The following SLC30A7 variants were observed in gnomAD, a reference collection of about 807,000 sequenced individuals.
SLC30A7 encodes the protein zinc transporter 7.
Under a neutral mutation model 46.0 loss-of-function variants are expected in SLC30A7, and 35 were observed. The observed-to-expected ratio is 0.76, with a 90% CI of 0.58 to 1.01. The LOEUF is 1.01. SLC30A7 is among the 50% of genes least tolerant of loss of function. SLC30A7 has a pLI of 0.00. For missense variants in SLC30A7, 464 were observed against 451.1 expected, an observed-to-expected ratio of 1.03 and a Z score of -0.26; for synonymous variants, 147 against 157.8, an observed-to-expected ratio of 0.93 and a Z score of 0.51.
chr1:100,939,738 A>T (rs925426928), intron 8 of SLC30A7, among the ~76,000 whole-genome samples: 2 of 151,676 alleles, frequency 1.3e-5, no homozygotes, highest in African/African-American at 4.8e-5. Context: ...AGTCCCAGCT[A>T]CTTGAGAGGC....
intron 10 of SLC30A7, among the ~76,000 whole-genome samples, chr1:100,972,106 C>A (rs1656193591): frequency 6.6e-6 from 1 of 152,296 alleles, no homozygotes; most frequent in Admixed American, 6.5e-5. Flanking sequence ...CAGCCTCTGG[C>A]TCCTGGTCCC....
At chr1:100,958,322 G>A (rs1002697126) in intron 8 of SLC30A7, among the ~76,000 whole-genome samples, 4 of 152,128 alleles carry the variant, frequency 2.6e-5, no homozygotes, top group South Asian at 2.1e-4. Context: ...GACCACAGGC[G>A]CCGGCCATCA....
intron 6 of SLC30A7, among the ~76,000 whole-genome samples, chr1:100,914,134 A>G (rs879843573): frequency 6.6e-6 from 1 of 152,204 alleles, no homozygotes; most frequent in Non-Finnish European, 1.5e-5. Flanking sequence ...ATAGGCATGT[A>G]ATACATAGTA....
At chr1:100,974,606 C>T (rs969398630) in intron 10 of SLC30A7, among the ~76,000 whole-genome samples, 1 of 151,892 alleles carries the variant, frequency 6.6e-6, no homozygotes, top group African/African-American at 2.4e-5. Context: ...TGACTGTTAA[C>T]ATGGCTCTTT....
downstream of SLC30A7, among the ~76,000 whole-genome samples, chr1:100,984,492 C>T (rs977896230): frequency 6.6e-6 from 1 of 152,114 alleles, no homozygotes; most frequent in Admixed American, 6.5e-5. Flanking sequence ...CCTTGAGAAT[C>T]TTGAGAACTA....
At position 100,918,000 on chromosome 1, in the gene SLC30A7, A is replaced by G. The variant is rs540941646; in HGVS notation, c.656-77A>G. 34 of 1,174,992 alleles carry G rather than the reference A, an allele frequency of 2.9e-5. No homozygotes were observed. In the South Asian group the frequency reaches 4.2e-4, roughly 15 times the overall value. 72.8% of individuals were successfully genotyped at this position (1,174,992 alleles called of 1,614,324 possible). A position where few individuals can be genotyped will look rare whatever the true frequency, so the allele number is the denominator to read the frequency against. ...CCATGCATTCTTGATGATGCATTTG[A>G]ATGAAAAGGACTCTGAATTGTAAAA... On this transcript the variant is annotated intron_variant, in intron 6 of 10. Transcript: ENST00000357650.
At chr1:100,985,758 T>C (rs1657229874), downstream of SLC30A7, among the ~76,000 whole-genome samples, 1 of 152,068 alleles carries the variant, frequency 6.6e-6, no homozygotes, top group South Asian at 2.1e-4. Context: ...ATATTGAGTC[T>C]GTTGAATTTG....
At position 100,964,114 on chromosome 1, in the gene SLC30A7, A is replaced by C. The variant is rs562542088; in HGVS notation, c.934-1655A>C. 4.6e-5 allele frequency among the ~76,000 whole-genome samples: 7 copies of C among 152,070 alleles called. No homozygotes were observed. In the East Asian group the frequency reaches 1.4e-3, roughly 29 times the overall value. On this transcript the variant is annotated intron_variant, in intron 9 of 10. Coordinates refer to ENST00000357650, the MANE Select transcript of SLC30A7 (RefSeq NM_133496.5). Reference sequence around the variant, plus strand: ...AGAGAGATCAGAAGGCTAGAGGAAAAAGGAGAAGGTATAAAATAATCTTTT... The same window carrying C: ...AGAGAGATCAGAAGGCTAGAGGAAACAGGAGAAGGTATAAAATAATCTTTT...
At chr1:100,927,783 T>C (rs1349896926) in intron 8 of SLC30A7, among the ~76,000 whole-genome samples, 2 of 151,934 alleles carry the variant, frequency 1.3e-5, no homozygotes, top group Non-Finnish European at 1.5e-5. Context: ...ATAAAGGTAA[T>C]TGATGCATGC....
intron 2 of SLC30A7, among the ~76,000 whole-genome samples, chr1:100,905,066 A>C (rs934545908): frequency 1.3e-5 from 2 of 152,036 alleles, no homozygotes; most frequent in Non-Finnish European, 2.9e-5. Flanking sequence ...AGTATGTATA[A>C]TATTAATCTT....
intron 8 of SLC30A7, among the ~76,000 whole-genome samples, chr1:100,954,516 A>G (rs899488920): frequency 6.6e-6 from 1 of 152,174 alleles, no homozygotes; most frequent in African/African-American, 2.4e-5. Context: ...TCCAAAGACC[A>G]GATGCATTAG....
chr1:100,912,081 A>G lies in SLC30A7; in HGVS notation c.385-31A>G, dbSNP rs1334141737. ...AGTTGATCAATCAGAAATAATATCT[A>G]TGCTATTTGTTTGTATTATGTGTTT... On this transcript the variant is annotated intron_variant, in intron 4 of 10. Coordinates refer to ENST00000357650, the MANE Select transcript of SLC30A7 (RefSeq NM_133496.5). 9 of 1,595,020 alleles carry G rather than the reference A, an allele frequency of 5.6e-6. No individual in the cohort carries two copies. In the Admixed American group the frequency reaches 1.0e-4, roughly 18 times the overall value.
In SLC30A7 at chr1:100,977,505, G is replaced by A. The variant is rs1656608321; in HGVS notation, c.*2648G>A. Reference sequence around the variant, plus strand: ...TTCTTGGCACATGTATATTACTAAAGTAGATAATTCCAATGAGAAATACTA... The same window carrying A: ...TTCTTGGCACATGTATATTACTAAAATAGATAATTCCAATGAGAAATACTA... On this transcript the variant is annotated 3_prime_UTR_variant, in exon 11 of 11. Coordinates refer to ENST00000357650, the MANE Select transcript of SLC30A7 (RefSeq NM_133496.5). 6.6e-6 allele frequency: 1 copy of A among 152,120 alleles called. No homozygotes were observed. Among genetic ancestry groups the A allele is most frequent in the African/African-American group, 2.4e-5 (1 of 41,404 alleles). 9.4% of individuals were successfully genotyped at this position (152,120 alleles called of 1,614,324 possible).
At chr1:100,931,544 T>G (rs1264165274) in intron 8 of SLC30A7, among the ~76,000 whole-genome samples, 1 of 120,972 alleles carries the variant, frequency 8.3e-6, no homozygotes, top group Non-Finnish European at 1.9e-5. Context: ...TCACTGAGTA[T>G]TTTTTTTTAA....
intron 2 of SLC30A7, among the ~76,000 whole-genome samples, chr1:100,899,033 A>G (rs1279133168): frequency 1.3e-5 from 2 of 152,200 alleles, no homozygotes; most frequent in Non-Finnish European, 2.9e-5. Context: ...CAGAGCCTTC[A>G]TTTTAAAGGA....
rs1372508808 is a variant in SLC30A7 at position 100,977,103 on chromosome 1, A to G, written c.*2246A>G. The G allele has an allele frequency of 6.6e-6, 1 of 152,118 alleles. No individual in the cohort carries two copies. Among genetic ancestry groups the G allele is most frequent in the Non-Finnish European group, 1.5e-5 (1 of 68,004 alleles). The allele number at this position is 152,118 out of a possible 1,614,324, so 9.4% of individuals were successfully genotyped here. ...ATTAGATAGAGAAAATGACAGATCT[A>G]GATGAAGGGAGCTTTTGGATGTGTG... On this transcript the variant is annotated 3_prime_UTR_variant, in exon 11 of 11. Coordinates refer to ENST00000357650, the MANE Select transcript of SLC30A7 (RefSeq NM_133496.5).
At chr1:100,962,826 G>A (rs553510099) in intron 9 of SLC30A7, among the ~76,000 whole-genome samples, 2 of 152,296 alleles carry the variant, frequency 1.3e-5, no homozygotes, top group East Asian at 3.9e-4. Flanking sequence ...TCCTCTAAAT[G>A]AAAAACAATG....
downstream of SLC30A7, among the ~76,000 whole-genome samples, chr1:100,982,403 C>G (rs78162571): frequency 5.2e-3 from 787 of 152,322 alleles, 7 homozygotes; most frequent in East Asian, 0.038. Context: ...TCAAGGCCAT[C>G]AGTGGCTTCT....
intron 8 of SLC30A7, among the ~76,000 whole-genome samples, chr1:100,934,698 G>T (rs1326781662): frequency 6.7e-6 from 1 of 150,300 alleles, no homozygotes; most frequent in Non-Finnish European, 1.5e-5. Context: ...ATATATAAAT[G>T]TATGTAGGAA....
Sources: allele counts gnomAD v4.1 joint callset (sites outside exome capture counted in the v4.1 genomes callset), GRCh38; gene constraint gnomAD v4.1.1; transcripts MANE v1.5; gene names NCBI Gene and HGNC (gene_info 2026-07-23, HGNC 2026-07-21).